SFI1: variants seen among roughly 807,000 people sequenced by gnomAD.
SFI1 encodes the protein protein SFI1 homolog.
In SFI1, 195 loss-of-function variants were observed where a neutral mutation model predicts 207.5. The observed-to-expected ratio is 0.94, with a 90% CI of 0.84 to 1.06. The LOEUF (loss-of-function observed/expected upper bound fraction) is 1.06, where lower values mean the gene tolerates loss of function less well. Ranked by LOEUF, SFI1 falls within the 50% of genes least tolerant of loss-of-function variation. The pLI, the probability that SFI1 is intolerant of heterozygous loss-of-function variation, is 0.00. For missense variants in SFI1, 1,634 were observed against 1,588.0 expected (o/e 1.03, Z -0.49); for synonymous variants, 630 against 598.9 (o/e 1.05, Z -0.76).
chr22:31,611,327 C>G (rs2070089980), intron 23 of SFI1, 24 bp downstream of exon 23: 3 of 1,565,404 alleles, frequency 1.9e-6, no homozygotes, highest in African/African-American at 1.4e-5. Flanking sequence ...TGGCAACTCT[C>G]CAAGTTCTGC....
intron 15 of SFI1, among the ~76,000 whole-genome samples, chr22:31,599,766 A>G (rs951215419): frequency 3.3e-5 from 5 of 152,038 alleles, no homozygotes; most frequent in African/African-American, 1.2e-4. Context: ...GTGAGCCACC[A>G]TGCCTGGCCC....
At chr22:31,500,292 A>G (rs945850007) in intron 1 of SFI1, among the ~76,000 whole-genome samples, 3 of 151,516 alleles carry the variant, frequency 2.0e-5, no homozygotes, top group Admixed American at 6.6e-5. Flanking sequence ...AAAAAAAAAA[A>G]AAAAGAAAAA....
intron 8 of SFI1, among the ~76,000 whole-genome samples, chr22:31,570,262 GTCTTTAAAAGATGTAACTGACA>G (rs2062816909): frequency 6.6e-6 from 1 of 152,164 alleles, no homozygotes; most frequent in South Asian, 2.1e-4. Flanking sequence ...GATTCTCAAT[GTCTTTAAAAGATGTAACTGACA>G]TCTTTAAAAG....
In SFI1 at chr22:31,612,394, A is replaced by ATAC. The variant is rs1367477107; in HGVS notation, c.2490+554_2490+555insTAC. On this transcript the variant is annotated intron_variant, in intron 24 of 32. Coordinates refer to ENST00000400288, the MANE Select transcript of SFI1 (RefSeq NM_001007467.3). ...GACTCTGTCTAAAAAAAAAAAAAAA[A>ATAC]AAAAATATATATATATATATATATA... 1.5e-4 allele frequency: 16 copies of ATAC among 107,346 alleles called. 1 individual carries two copies. The highest frequency in any genetic ancestry group is 6.0e-4 in the African/African-American group (16 of 26,816). The allele number at this position is 107,346 out of a possible 1,614,324, so 6.6% of individuals were successfully genotyped here. A position where few individuals can be genotyped will look rare whatever the true frequency, so the allele number is the denominator to read the frequency against.
chr22:31,514,204 A>G (rs530656567), intron 2 of SFI1, among the ~76,000 whole-genome samples: 1 of 151,410 alleles, frequency 6.6e-6, no homozygotes, highest in Non-Finnish European at 1.5e-5. Context: ...ATGCTGTTCA[A>G]TAGATATTAA....
chr22:31,594,816 C>G (rs1477171179), intron 15 of SFI1, among the ~76,000 whole-genome samples: 3 of 130,902 alleles, frequency 2.3e-5, no homozygotes, highest in Non-Finnish European at 4.6e-5. Flanking sequence ...GATCACACCA[C>G]TGCACTCTAG....
intron 15 of SFI1, among the ~76,000 whole-genome samples, chr22:31,593,760 G>A (rs2066552280): frequency 6.6e-6 from 1 of 150,726 alleles, no homozygotes; most frequent in Admixed American, 6.6e-5. Flanking sequence ...TCGGGAGGCC[G>A]AGGTTGGTGG....
intron 1 of SFI1, among the ~76,000 whole-genome samples, chr22:31,497,861 A>G (rs956542445): frequency 3.9e-5 from 6 of 152,244 alleles, no homozygotes; most frequent in Non-Finnish European, 8.8e-5. Context: ...CTGGTCATTA[A>G]CAAGGCACCT....
In SFI1 at chr22:31,614,775, A is replaced by T. The variant is rs531978553; in HGVS notation, c.2997-14A>T. ...TGGTCAGCCCAGGGGAACAGACCCC[A>T]TGTTTCTTTCCAGCAACACTGCCCA... On this transcript the variant is annotated splice_polypyrimidine_tract_variant and intron_variant, in intron 27 of 32. Transcript: ENST00000400288. The T allele has an allele frequency of 6.2e-7, 1 of 1,613,334 alleles. No homozygotes were observed. Among genetic ancestry groups the T allele is most frequent in the African/African-American group, 1.3e-5 (1 of 74,824 alleles).
chr22:31,565,180 C>T (rs371431253), intron 8 of SFI1, among the ~76,000 whole-genome samples: 12 of 152,126 alleles, frequency 7.9e-5, no homozygotes, highest in South Asian at 4.2e-4. Flanking sequence ...ACCCTCCCTC[C>T]GTCCCTTCTA....
chr22:31,600,355 G>T (rs991595427), intron 15 of SFI1, among the ~76,000 whole-genome samples: 3 of 152,120 alleles, frequency 2.0e-5, no homozygotes, highest in African/African-American at 7.2e-5. Context: ...GCCTAAAGAT[G>T]ATCTTTTAGT....
chr22:31,604,445 AG>A, intron 19 of SFI1, 41 bp downstream of exon 19: 10 of 1,438,630 alleles, frequency 7.0e-6, no homozygotes, highest in Non-Finnish European at 9.2e-6. Context: ...CTGTGGGGAC[AG>A]GGGAGGTTTC....
At chr22:31,598,242 C>T (rs2067458364) in intron 15 of SFI1, among the ~76,000 whole-genome samples, 1 of 151,876 alleles carries the variant, frequency 6.6e-6, no homozygotes, top group Non-Finnish European at 1.5e-5. Flanking sequence ...GCCTTGGCCT[C>T]CCAAAATGCT....
At chr22:31,506,113 G>A (rs548530436) in intron 1 of SFI1, among the ~76,000 whole-genome samples, 10 of 41,088 alleles carry the variant, frequency 2.4e-4, no homozygotes, top group African/African-American at 9.6e-4. Context: ...GCAGTGGTGT[G>A]ATCTCGGTTC....
At chr22:31,568,232 T>A (rs928376681) in intron 8 of SFI1, among the ~76,000 whole-genome samples, 7 of 147,718 alleles carry the variant, frequency 4.7e-5, no homozygotes, top group African/African-American at 1.7e-4. Context: ...ATATATTTTT[T>A]TTTTTTTACC....
At chr22:31,587,676 TC>T in intron 14 of SFI1, 1 of 152,972 alleles carries the variant, frequency 6.5e-6, no homozygotes. Context: ...CTGGAACCAG[TC>T]CCCCACAAAT....
chr22:31,538,993 C>T (rs1468686510), intron 4 of SFI1, among the ~76,000 whole-genome samples: 1 of 152,148 alleles, frequency 6.6e-6, no homozygotes, highest in Non-Finnish European at 1.5e-5. Flanking sequence ...AAATCGTCAT[C>T]CTCCCCCTCT....
Position 31,618,218 on chromosome 22 carries a change from C to T in SFI1, c.3616C>T (p.Leu1206=). 6.3e-7 allele frequency: 1 copy of T among 1,596,230 alleles called. No homozygotes were observed. Among genetic ancestry groups the T allele is most frequent in the Non-Finnish European group, 8.5e-7 (1 of 1,173,006 alleles). Residue 1206 remains leucine (L), a synonymous_variant, in exon 32 of 33, where the codon CTG becomes TTG. Transcript: ENST00000400288. ...QEVEQQVQKE[L]EQVEMQIQLL... The stretch of plus-strand genomic sequence containing the variant: ...AGTAGAGCAGCAGGTGCAGAAAGAG[C>T]TGGAACAGGTGAGGCCCCAGGCCAT...
intron 2 of SFI1, among the ~76,000 whole-genome samples, chr22:31,526,518 G>T (rs772160440): frequency 6.6e-6 from 1 of 152,162 alleles, no homozygotes; most frequent in Non-Finnish European, 1.5e-5. Flanking sequence ...AGCTACAATT[G>T]CAGATGCGAT....
Sources: gnomAD v4.1 joint callset for allele counts (sites outside exome capture counted in the v4.1 genomes callset) on GRCh38, gnomAD v4.1.1 for gene constraint, MANE v1.5 for transcripts, NCBI Gene and HGNC (gene_info 2026-07-23, HGNC 2026-07-21) for gene names.